SBF1: variants seen among roughly 807,000 people sequenced by gnomAD.
SBF1 encodes the protein myotubularin-related protein 5.
In SBF1, 65 loss-of-function variants were observed where a neutral mutation model predicts 215.8. The ratio of observed to expected loss-of-function variants is 0.30; its 90% confidence interval spans 0.25 to 0.37. SBF1 has a LOEUF of 0.37. Ranked by LOEUF, SBF1 falls within the 10% of genes least tolerant of loss-of-function variation. SBF1 has a pLI of 1.00. For missense variants in SBF1, 2,634 were observed against 2,667.8 expected (o/e 0.99, Z 0.28); for synonymous variants, 1,410 against 1,122.8 (o/e 1.26, Z -5.11).
At chr22:50,454,353 T>C (rs1453045834) in intron 36 of SBF1, among the ~76,000 whole-genome samples, 159 bp downstream of exon 36, 4 of 151,982 alleles carry the variant, frequency 2.6e-5, no homozygotes, top group African/African-American at 7.2e-5. Flanking sequence ...CCCAGGCCAG[T>C]AGGCAGTTCA....
intron 1 of SBF1, among the ~76,000 whole-genome samples, chr22:50,474,373 T>C (rs952599631): frequency 3.3e-5 from 5 of 152,122 alleles, no homozygotes; most frequent in African/African-American, 9.7e-5. Flanking sequence ...TCCGCGCCCC[T>C]GGAGCCACTA....
At chr22:50,449,072 G>T (rs765149712) in intron 36 of SBF1, among the ~76,000 whole-genome samples, 2 of 151,992 alleles carry the variant, frequency 1.3e-5, no homozygotes, top group Non-Finnish European at 2.9e-5. Context: ...GGTGGCGCAC[G>T]CCTGTAGGAG....
chr22:50,455,693 C>A, intron 31 of SBF1, 111 bp from the exon 32 acceptor site: 1 of 854,198 alleles, frequency 1.2e-6, no homozygotes, highest in Non-Finnish European at 1.9e-6. Flanking sequence ...AGGCCCTGTC[C>A]ACAGCCCCCC....
At chr22:50,449,007 G>A (rs2066942035) in intron 36 of SBF1, among the ~76,000 whole-genome samples, 1 of 151,616 alleles carries the variant, frequency 6.6e-6, no homozygotes, top group African/African-American at 2.4e-5. Flanking sequence ...AGACCAGCCT[G>A]ACAAACATGG....
At chr22:50,450,017 C>T (rs1022007955) in intron 36 of SBF1, among the ~76,000 whole-genome samples, 6 of 152,178 alleles carry the variant, frequency 3.9e-5, no homozygotes, top group Admixed American at 2.0e-4. Context: ...GAGCAACACA[C>T]GGGAGCTTGC....
At chr22:50,471,101 G>C (rs1011925472) in intron 1 of SBF1, among the ~76,000 whole-genome samples, 2 of 152,176 alleles carry the variant, frequency 1.3e-5, no homozygotes, top group Admixed American at 6.5e-5. Flanking sequence ...GAATACACAG[G>C]AGGGAGGGTG....
chr22:50,449,269 A>G (rs1305332654), intron 36 of SBF1, among the ~76,000 whole-genome samples: 1 of 152,074 alleles, frequency 6.6e-6, no homozygotes, highest in Non-Finnish European at 1.5e-5. Flanking sequence ...GGAGAAAAAC[A>G]TTAAAATAGA....
chr22:50,454,747 G>C lies in SBF1; in HGVS notation c.4813-5C>G. 11 of 1,586,716 alleles carry C rather than the reference G, an allele frequency of 6.9e-6. No homozygotes were observed. Among genetic ancestry groups the C allele is most frequent in the Non-Finnish European group, 9.4e-6 (11 of 1,169,190 alleles). On this transcript the variant is annotated splice_region_variant and splice_polypyrimidine_tract_variant and intron_variant, in intron 35 of 40. Coordinates refer to ENST00000380817, the MANE Select transcript of SBF1 (RefSeq NM_002972.4). ...GTTGCTGTAGGGCCGCAGGACCTGA[G>C]GGTGGGCCTGTGGTTGAGGACCTGG...
intron 1 of SBF1, among the ~76,000 whole-genome samples, chr22:50,469,908 G>A (rs1316177426): frequency 2.0e-5 from 3 of 152,196 alleles, no homozygotes; most frequent in East Asian, 1.9e-4. Flanking sequence ...CAAGGAAGTC[G>A]GCAGTGGGCA....
At position 50,465,994 on chromosome 22, in the gene SBF1, T is replaced by C. The variant is rs1216303189; in HGVS notation, c.978A>G (p.Pro326=). The part of the protein sequence containing the change: ...ECVHIPPLPE[P]LQSQTHSVLS... Reference sequence around the variant, plus strand: ...GCACACTGTGCGTCTGACTCTGCAGTGGCTCTGGCAAGGGTGGAATGTGCA... The same window carrying C: ...GCACACTGTGCGTCTGACTCTGCAGCGGCTCTGGCAAGGGTGGAATGTGCA... Residue 326 remains proline, a synonymous_variant, in exon 9 of 41, where the codon CCA becomes CCG. Transcript: ENST00000380817. The C allele has an allele frequency of 2.5e-6, 4 of 1,613,886 alleles. No homozygotes were observed. Among genetic ancestry groups the C allele is most frequent in the Non-Finnish European group, 3.4e-6 (4 of 1,180,040 alleles).
rs370122832 is a variant in SBF1, at chr22:50,464,654, G to A, written c.1516C>T (p.Pro506Ser). The A allele has an allele frequency of 3.0e-5, 49 of 1,608,864 alleles. No homozygotes were observed. The African/African-American group carries it at 6.0e-4, about 20-fold the overall frequency. The change falls in exon 14 of 41, where the codon CCC becomes TCC. Residue 506 changes from proline to serine, a missense_variant. Coordinates refer to ENST00000380817, the MANE Select transcript of SBF1 (RefSeq NM_002972.4). ...SHLRRVPRPFPRLDEGTVQWI... is the reference protein window; with the variant it reads ...SHLRRVPRPFSRLDEGTVQWI... ...TGCACGGTGCCCTCATCCAGCCGGG[G>A]GAAGGGTCGGGGCACCCGTCGCAGG...
intron 28 of SBF1, among the ~76,000 whole-genome samples, 161 bp downstream of exon 28, chr22:50,459,094 C>T (rs551072485): frequency 2.0e-5 from 3 of 152,316 alleles, no homozygotes; most frequent in African/African-American, 7.2e-5. Context: ...GGCTTCCCGC[C>T]CCTGCCCCAC....
chr22:50,465,194 C>A lies in SBF1; in HGVS notation c.1203+21G>T, dbSNP rs1480315173. On this transcript the variant is annotated intron_variant, in intron 11 of 40. Coordinates refer to ENST00000380817, the MANE Select transcript of SBF1 (RefSeq NM_002972.4). The stretch of plus-strand genomic sequence containing the variant: ...CCATGCGCTTATCTCCTACCCCACG[C>A]CCAGCCACCAGGCACCCCACCTTAT... The A allele has an allele frequency of 2.5e-6, 4 of 1,612,684 alleles. No individual in the cohort carries two copies. In the African/African-American group the frequency reaches 5.3e-5, roughly 22 times the overall value.
chr22:50,451,740 G>C (rs2067054661), intron 36 of SBF1, among the ~76,000 whole-genome samples: 1 of 150,082 alleles, frequency 6.7e-6, no homozygotes, highest in Non-Finnish European at 1.5e-5. Context: ...ATAAGGATAA[G>C]AATCAACACC....
chr22:50,449,671 AGAAAAACTGCT>A (rs1340508668), intron 36 of SBF1, among the ~76,000 whole-genome samples: 3 of 150,570 alleles, frequency 2.0e-5, no homozygotes, highest in Non-Finnish European at 2.9e-5. Context: ...AAAATGGGAC[AGAAAAACTGCT>A]GAAAAACAAA....
At chr22:50,466,731 G>A (rs1362106687) in intron 5 of SBF1, 21 bp from the exon 6 acceptor site, 4 of 1,488,294 alleles carry the variant, frequency 2.7e-6, no homozygotes, top group Admixed American at 2.2e-5. Context: ...AAAAGGATCG[G>A]GGCTCAGTAG....
rs375008807 is a variant in SBF1, at chr22:50,447,364, A to G, written c.5541T>C (p.Thr1847=). The change falls in exon 40 of 41, where the codon ACT becomes ACC. Residue 1847 remains threonine (T), a synonymous_variant. Transcript: ENST00000380817. ...CGTCCACAGTCTTAGGGGCACCCAT[A>G]GTGGGCGTGCCAGGTGCCACAGCCT... The part of the protein sequence containing the change: ...EVEAVAPGTP[T]MGAPKTVDEK... 12 of 1,614,008 alleles carry G rather than the reference A, an allele frequency of 7.4e-6. No individual in the cohort carries two copies. The highest frequency in any genetic ancestry group is 1.6e-4 in the Middle Eastern group (1 of 6,062).
Position 50,466,396 on chromosome 22 carries a change from C to T in SBF1, c.742G>A (p.Asp248Asn), listed in dbSNP as rs1226606231. Reference protein sequence around the residue: ...FLSRSYQRLADACRGLLALLF... With the variant: ...FLSRSYQRLANACRGLLALLF... ...AGTGCCAGGAGGCCCCTACAGGCAT[C>T]GGCGAGCCGCTGGTAGCTCCGGGAC... Residue 248 changes from aspartate (D) to asparagine (N), a missense_variant, in exon 7 of 41, where the codon GAT (aspartate) becomes AAT (asparagine). Physicochemically the swap from Asp to Asn is conservative, Grantham distance 23 (BLOSUM62 1). Coordinates refer to ENST00000380817, the MANE Select transcript of SBF1 (RefSeq NM_002972.4). 2.6e-6 allele frequency: 4 copies of T among 1,553,202 alleles called. No individual in the cohort carries two copies. The highest frequency in any genetic ancestry group is 1.2e-5 in the South Asian group (1 of 84,428).
chr22:50,465,258 T>C lies in SBF1; in HGVS notation c.1160A>G (p.His387Arg). 3.1e-6 allele frequency: 5 copies of C among 1,611,902 alleles called. No homozygotes were observed. Among genetic ancestry groups the C allele is most frequent in the Non-Finnish European group, 3.4e-6 (4 of 1,179,390 alleles). Residue 387 changes from histidine to arginine, a missense_variant, in exon 11 of 41, where the codon CAC (histidine) becomes CGC (arginine). By Grantham distance (29) the His-to-Arg change is conservative. Coordinates refer to ENST00000380817, the MANE Select transcript of SBF1 (RefSeq NM_002972.4). ...QLLQGYRWCL[H>R]VVRIHPEPVI... The stretch of plus-strand genomic sequence containing the variant: ...AGGCTCCGGGTGGATGCGCACGACG[T>C]GCAGGCACCAGCGATAGCCCTGCAG...
Sources: allele counts gnomAD v4.1 joint callset (sites outside exome capture counted in the v4.1 genomes callset), GRCh38; gene constraint gnomAD v4.1.1; transcripts MANE v1.5; gene names NCBI Gene and HGNC (gene_info 2026-07-23, HGNC 2026-07-21).